The following CAMK1D variants were observed in gnomAD, a reference collection of about 807,000 sequenced individuals.
CAMK1D encodes the protein calcium/calmodulin-dependent protein kinase type 1D.
CAMK1D carries 9 observed loss-of-function variants against 47.7 expected under a neutral mutation model. The ratio of observed to expected loss-of-function variants is 0.19; its 90% confidence interval spans 0.11 to 0.33. The LOEUF (loss-of-function observed/expected upper bound fraction) is 0.33, where lower values mean the gene tolerates loss of function less well. Among genes scored for constraint, CAMK1D ranks in the 10% least tolerant of loss-of-function variants. The pLI, the probability that CAMK1D is intolerant of heterozygous loss-of-function variation, is 1.00. For synonymous variants in CAMK1D, 184 were observed against 184.9 expected, an observed-to-expected ratio of 0.99 and a Z score of 0.04; for missense variants, 291 against 488.7, an observed-to-expected ratio of 0.60 and a Z score of 3.81.
chr10:12,801,400 A>G (rs969655531), intron 6 of CAMK1D, among the ~76,000 whole-genome samples: 2 of 147,464 alleles, frequency 1.4e-5, no homozygotes, highest in Admixed American at 6.8e-5. Context: ...CTATCCATCC[A>G]TCTGTCCATC....
At chr10:12,438,807 C>G (rs1416258624) in intron 1 of CAMK1D, among the ~76,000 whole-genome samples, 3 of 152,184 alleles carry the variant, frequency 2.0e-5, no homozygotes, top group Non-Finnish European at 4.4e-5. Context: ...CTGCCTTGCT[C>G]CATTCTACCA....
At chr10:12,585,854 G>A (rs996802182) in intron 2 of CAMK1D, among the ~76,000 whole-genome samples, 4 of 152,138 alleles carry the variant, frequency 2.6e-5, no homozygotes, top group African/African-American at 4.8e-5. Flanking sequence ...TCGATCCTTC[G>A]GACACTCCAT....
At chr10:12,406,722 CAAAAAAAA>C (rs3061400) in intron 1 of CAMK1D, among the ~76,000 whole-genome samples, 4 of 69,232 alleles carry the variant, frequency 5.8e-5, no homozygotes, top group African/African-American at 2.1e-4. Context: ...GACCCTGTCT[CAAAAAAAA>C]AAAAAAAAAA....
intron 3 of CAMK1D, among the ~76,000 whole-genome samples, chr10:12,738,410 G>T (rs953147216): frequency 6.6e-6 from 1 of 152,198 alleles, no homozygotes; most frequent in Non-Finnish European, 1.5e-5. Flanking sequence ...GTCGTCGTTT[G>T]TCCAGTGCTA....
intron 6 of CAMK1D, among the ~76,000 whole-genome samples, chr10:12,806,655 C>G (rs1304547377): frequency 6.6e-6 from 1 of 152,222 alleles, no homozygotes; most frequent in Non-Finnish European, 1.5e-5. Context: ...ACCCTTGATC[C>G]TTGACTCAAA....
chr10:12,773,094 A>G (rs1837115156), intron 5 of CAMK1D, among the ~76,000 whole-genome samples: 1 of 152,158 alleles, frequency 6.6e-6, no homozygotes, highest in African/African-American at 2.4e-5. Flanking sequence ...TCATGGTGTG[A>G]TCACATTGCA....
rs76338962 is a variant in CAMK1D, at chr10:12,763,611, G to C, written c.438+2525G>C. The stretch of plus-strand genomic sequence containing the variant: ...TTCTGCCCATGGATACGAGTACTAC[G>C]TCTGGAATTGTTAACAGCTACAAAT... On this transcript the variant is annotated intron_variant, in intron 4 of 10. Coordinates refer to ENST00000619168, the MANE Select transcript of CAMK1D (RefSeq NM_153498.4). Among the ~76,000 whole-genome samples, 560 of 152,252 alleles carry C rather than the reference G, an allele frequency of 3.7e-3. 2 individuals are homozygous for C. Among genetic ancestry groups the C allele is most frequent in the Middle Eastern group, 0.01 (3 of 294 alleles).
At chr10:12,501,939 G>A (rs1053060945) in intron 1 of CAMK1D, among the ~76,000 whole-genome samples, 2 of 152,310 alleles carry the variant, frequency 1.3e-5, no homozygotes, top group African/African-American at 2.4e-5. Context: ...GGGAGCTGGC[G>A]GCAGAGTGGA....
intron 1 of CAMK1D, among the ~76,000 whole-genome samples, chr10:12,373,692 A>G (rs1445657370): frequency 6.6e-6 from 1 of 152,076 alleles, no homozygotes; most frequent in Non-Finnish European, 1.5e-5. Flanking sequence ...ATGAACATCT[A>G]AAACACTTCA....
chr10:12,424,214 GC>G (rs1322030603), intron 1 of CAMK1D, among the ~76,000 whole-genome samples: 1 of 152,038 alleles, frequency 6.6e-6, no homozygotes, highest in Non-Finnish European at 1.5e-5. Flanking sequence ...AAGTCAGCAA[GC>G]CCAGTGTGAG....
At chr10:12,471,709 C>T (rs895742850) in intron 1 of CAMK1D, among the ~76,000 whole-genome samples, 3 of 152,148 alleles carry the variant, frequency 2.0e-5, no homozygotes, top group South Asian at 4.1e-4. Context: ...ACTATTTATT[C>T]CTTTCCTGCT....
intron 1 of CAMK1D, among the ~76,000 whole-genome samples, chr10:12,512,450 C>T (rs2815651): frequency 0.51 from 77,155 of 152,000 alleles, 19,779 homozygotes; most frequent in South Asian, 0.61. Context: ...GGCTGGAATG[C>T]AGTGATGCAA....
chr10:12,792,987 C>A (rs1041197258), intron 6 of CAMK1D, among the ~76,000 whole-genome samples: 1 of 151,488 alleles, frequency 6.6e-6, no homozygotes, highest in East Asian at 1.9e-4. Context: ...CACACACGCA[C>A]GCACACAATT....
At chr10:12,358,712 C>G (rs74118771) in intron 1 of CAMK1D, among the ~76,000 whole-genome samples, 3,289 of 152,224 alleles carry the variant, frequency 0.022, 114 homozygotes, top group African/African-American at 0.076. Context: ...ATTCCTTAAT[C>G]TCTCTGAGTT....
intron 2 of CAMK1D, among the ~76,000 whole-genome samples, chr10:12,599,854 G>T (rs929080274): frequency 6.6e-6 from 1 of 152,218 alleles, no homozygotes; most frequent in Admixed American, 6.5e-5. Flanking sequence ...ATCAGCTAGA[G>T]GATTGTTAAA....
intron 1 of CAMK1D, among the ~76,000 whole-genome samples, chr10:12,387,398 T>A (rs111411310): frequency 1.9e-4 from 6 of 32,112 alleles, no homozygotes; most frequent in Admixed American, 1.3e-3. Flanking sequence ...TATTATATAT[T>A]TTTATATATT....
chr10:12,458,513 C>T (rs562712344), intron 1 of CAMK1D, among the ~76,000 whole-genome samples: 1 of 152,178 alleles, frequency 6.6e-6, no homozygotes, highest in East Asian at 1.9e-4. Context: ...ACCTCCTGGC[C>T]TCAAGTGATC....
At chr10:12,498,121 C>T (rs1488151336) in intron 1 of CAMK1D, among the ~76,000 whole-genome samples, 1 of 152,182 alleles carries the variant, frequency 6.6e-6, no homozygotes, top group Non-Finnish European at 1.5e-5. Flanking sequence ...TCCCACAACA[C>T]ATGGGGATTA....
intron 2 of CAMK1D, among the ~76,000 whole-genome samples, chr10:12,592,961 C>T (rs980768945): frequency 2.6e-5 from 4 of 152,186 alleles, no homozygotes; most frequent in Non-Finnish European, 5.9e-5. Flanking sequence ...ATGTCACTTT[C>T]TCAGGGAAGT....
Sources: allele counts gnomAD v4.1 joint callset (sites outside exome capture counted in the v4.1 genomes callset), GRCh38; gene constraint gnomAD v4.1.1; transcripts MANE v1.5; gene names NCBI Gene and HGNC (gene_info 2026-07-23, HGNC 2026-07-21).